XKR4: variants seen among roughly 807,000 people sequenced by gnomAD.
The protein encoded by XKR4 is XK-related protein 4.
XKR4 carries 12 observed loss-of-function variants against 53.9 expected under a neutral mutation model. The ratio of observed to expected loss-of-function variants is 0.22; its 90% CI spans 0.14 to 0.36. The LOEUF (loss-of-function observed/expected upper bound fraction) is 0.36. Ranked by LOEUF, XKR4 falls within the 10% of genes least tolerant of loss-of-function variation. The pLI, the probability that XKR4 is intolerant of heterozygous loss-of-function variation, is 1.00. For missense variants in XKR4, 799 were observed against 859.5 expected (o/e 0.93, Z 0.88); for synonymous variants, 354 against 362.4 (o/e 0.98, Z 0.26).
intron 2 of XKR4, among the ~76,000 whole-genome samples, chr8:55,521,138 A>G (rs544696360): frequency 2.0e-4 from 31 of 152,262 alleles, no homozygotes; most frequent in Non-Finnish European, 4.3e-4. Flanking sequence ...GTTCCCGGGC[A>G]GAAACCCAGC....
chr8:55,181,331 A>G (rs1390066421), intron 1 of XKR4, among the ~76,000 whole-genome samples: 1 of 152,018 alleles, frequency 6.6e-6, no homozygotes, highest in Non-Finnish European at 1.5e-5. Flanking sequence ...GGTGTTCTCT[A>G]TGTGTCACTC....
At position 55,539,764 on chromosome 8, in the gene XKR4, A is replaced by G. The variant is rs1331867993; in HGVS notation, c.*15537A>G. On this transcript the variant is annotated 3_prime_UTR_variant, in exon 3 of 3. Coordinates refer to ENST00000327381, the MANE Select transcript of XKR4 (RefSeq NM_052898.2). ...TATCCTTTTTGCTATAAAGGAAAAT[A>G]CTGTGTTTTTATTTGTTTTTGCAGA... 6.6e-6 allele frequency: 1 copy of G among 152,170 alleles called. No individual in the cohort carries two copies. Among genetic ancestry groups the G allele is most frequent in the Non-Finnish European group, 1.5e-5 (1 of 68,038 alleles). 9.4% of individuals were successfully genotyped at this position (152,170 alleles called of 1,614,324 possible). A position where few individuals can be genotyped will look rare whatever the true frequency, so the allele number is the denominator to read the frequency against.
chr8:55,146,494 G>A (rs1187879322), intron 1 of XKR4, among the ~76,000 whole-genome samples: 1 of 152,238 alleles, frequency 6.6e-6, no homozygotes, highest in East Asian at 1.9e-4. Context: ...ACTGATCTGT[G>A]TCTGTGCTGT....
At chr8:55,437,085 G>A (rs1005128573) in intron 2 of XKR4, among the ~76,000 whole-genome samples, 1 of 152,198 alleles carries the variant, frequency 6.6e-6, no homozygotes, top group Non-Finnish European at 1.5e-5. Flanking sequence ...ATTTTTAAAT[G>A]TTTTTGTTAA....
chr8:55,286,274 GT>G (rs1270099569), intron 1 of XKR4, among the ~76,000 whole-genome samples: 2 of 152,220 alleles, frequency 1.3e-5, no homozygotes, highest in Non-Finnish European at 2.9e-5. Context: ...TGAGATGGGA[GT>G]TGGGCTGTGA....
chr8:55,375,288 C>T (rs1804130734), intron 2 of XKR4, among the ~76,000 whole-genome samples: 1 of 152,208 alleles, frequency 6.6e-6, no homozygotes, highest in Non-Finnish European at 1.5e-5. Context: ...GCGTGCACCA[C>T]CTGCCCATGT....
chr8:55,285,014 T>A (rs1364643340), intron 1 of XKR4, among the ~76,000 whole-genome samples: 1 of 152,200 alleles, frequency 6.6e-6, no homozygotes, highest in Non-Finnish European at 1.5e-5. Flanking sequence ...CTCTTTTAAA[T>A]ACAGCAGTCA....
chr8:55,140,949 A>G (rs895413921), intron 1 of XKR4, among the ~76,000 whole-genome samples: 2 of 152,206 alleles, frequency 1.3e-5, no homozygotes, highest in African/African-American at 4.8e-5. Context: ...GCATTTTTTA[A>G]TAAACAGTTT....
At chr8:55,450,302 C>T in intron 2 of XKR4, 1 of 708,622 alleles carries the variant, frequency 1.4e-6, no homozygotes, top group Non-Finnish European at 2.4e-6. Flanking sequence ...GGAGGGCCCT[C>T]GGCCAGCATC....
chr8:55,302,267 T>G (rs1161781673), intron 1 of XKR4, among the ~76,000 whole-genome samples: 29 of 152,122 alleles, frequency 1.9e-4, no homozygotes, highest in African/African-American at 4.6e-4. Flanking sequence ...TTTCCCCATT[T>G]CTTGTTTTTG....
intron 1 of XKR4, among the ~76,000 whole-genome samples, chr8:55,165,100 A>G (rs527986315): frequency 6.6e-6 from 1 of 152,322 alleles, no homozygotes; most frequent in East Asian, 1.9e-4. Context: ...GGGACAATGA[A>G]AATTCAGTAT....
At chr8:55,451,541 C>G (rs953311295) in intron 2 of XKR4, 10 of 1,042,730 alleles carry the variant, frequency 9.6e-6, no homozygotes, top group African/African-American at 9.5e-5. Context: ...ACACCTATGC[C>G]GTACAGGCCC....
chr8:55,127,617 A>C (rs1816490064), intron 1 of XKR4, among the ~76,000 whole-genome samples: 1 of 150,476 alleles, frequency 6.6e-6, no homozygotes, highest in African/African-American at 2.4e-5. Flanking sequence ...GTTTTAGGGT[A>C]CATGTGCACA....
At chr8:55,456,490 C>T (rs1805572713) in intron 2 of XKR4, among the ~76,000 whole-genome samples, 1 of 151,910 alleles carries the variant, frequency 6.6e-6, no homozygotes. Context: ...TCAGAGTAGA[C>T]CTAGATGATA....
rs183271568 is a variant in XKR4, at chr8:55,211,879, A to C, written c.806+108585A>C. On this transcript the variant is annotated intron_variant, in intron 1 of 2. Transcript: ENST00000327381. The stretch of plus-strand genomic sequence containing the variant: ...CAGAGCCCCAGAGGATCCTGAGAAC[A>C]TGTGCCCAAGGTGGTCAGGGTACAT... Among the ~76,000 whole-genome samples the C allele has an allele frequency of 1.1e-4, 16 of 152,366 alleles. No individual in the cohort carries two copies. In the East Asian group the frequency reaches 3.1e-3, roughly 29 times the overall value.
chr8:55,489,659 A>T (rs1806245944), intron 2 of XKR4, among the ~76,000 whole-genome samples: 1 of 152,116 alleles, frequency 6.6e-6, no homozygotes, highest in Admixed American at 6.6e-5. Flanking sequence ...CACTTAATAT[A>T]TTTATGTTTA....
At chr8:55,128,888 G>T (rs528906697) in intron 1 of XKR4, among the ~76,000 whole-genome samples, 1 of 147,680 alleles carries the variant, frequency 6.8e-6, no homozygotes, top group South Asian at 2.1e-4. Context: ...AAATGCAGAT[G>T]CTTAGTCAGG....
At chr8:55,299,363 C>T (rs1359333897) in intron 1 of XKR4, among the ~76,000 whole-genome samples, 3 of 152,144 alleles carry the variant, frequency 2.0e-5, no homozygotes, top group Non-Finnish European at 4.4e-5. Flanking sequence ...CTCCTCACCA[C>T]TTGTGGAATT....
intron 2 of XKR4, among the ~76,000 whole-genome samples, chr8:55,370,469 A>G (rs1804056068): frequency 6.6e-6 from 1 of 152,246 alleles, no homozygotes; most frequent in Admixed American, 6.5e-5. Flanking sequence ...GTTCATTAGT[A>G]ATGAAACAAA....
Sources: gnomAD v4.1 joint callset for allele counts (sites outside exome capture counted in the v4.1 genomes callset) on GRCh38, gnomAD v4.1.1 for gene constraint, MANE v1.5 for transcripts, NCBI Gene and HGNC (gene_info 2026-07-23, HGNC 2026-07-21) for gene names.